Variants in DNAAF1 observed in about 807,000 individuals in gnomAD.
DNAAF1 encodes the protein dynein assembly factor 1, axonemal.
A neutral mutation model predicts 71.1 loss-of-function variants in DNAAF1; 65 were observed. That is an observed-to-expected ratio of 0.91 (90% CI 0.75 to 1.12). The LOEUF is 1.12. DNAAF1 is among the 50% of genes most tolerant of loss of function. The pLI is 0.00. For missense variants in DNAAF1, 1,178 were observed against 899.8 expected, an observed-to-expected ratio of 1.31 and a Z score of -3.96; for synonymous variants, 414 against 354.6, an observed-to-expected ratio of 1.17 and a Z score of -1.88.
chr16:84,147,696 A>G (rs1322800518), intron 1 of DNAAF1, among the ~76,000 whole-genome samples: 1 of 152,184 alleles, frequency 6.6e-6, no homozygotes, highest in African/African-American at 2.4e-5. Context: ...GCAAGAATTG[A>G]AAATGAGTAA....
rs1205625461 is a variant in DNAAF1 at position 84,177,854 on chromosome 16, A to G, written c.*13A>G. The G allele has an allele frequency of 6.3e-7, 1 of 1,597,594 alleles. No homozygotes were observed. The highest frequency in any genetic ancestry group is 1.1e-5 in the South Asian group (1 of 90,774). On this transcript the variant is annotated 3_prime_UTR_variant, in exon 12 of 12. Coordinates refer to ENST00000378553, the MANE Select transcript of DNAAF1 (RefSeq NM_178452.6). ...GAAAGCATCATAGTTTTCCCCAGTT[A>G]TATGTAGCATAAATGGTTTAATCAT...
intron 1 of DNAAF1, 105 bp from the exon 2 acceptor site, chr16:84,148,902 T>C: frequency 7.7e-7 from 1 of 1,303,306 alleles, no homozygotes; most frequent in Non-Finnish European, 1.1e-6. Context: ...TAAAGAATAC[T>C]GGTGTTCTAT....
chr16:84,166,517 C>T (rs1316522989), intron 7 of DNAAF1, among the ~76,000 whole-genome samples: 1 of 151,800 alleles, frequency 6.6e-6, no homozygotes, highest in African/African-American at 2.4e-5. Flanking sequence ...TACAGGTGTG[C>T]ACCACCATGC....
intron 9 of DNAAF1, 43 bp from the exon 10 acceptor site, chr16:84,174,626 G>C: frequency 6.2e-7 from 1 of 1,614,048 alleles, no homozygotes. Flanking sequence ...CGTTGACAGT[G>C]CGTGTACCTC....
chr16:84,158,637 T>C (rs927705686), intron 5 of DNAAF1, among the ~76,000 whole-genome samples: 1 of 152,234 alleles, frequency 6.6e-6, no homozygotes, highest in African/African-American at 2.4e-5. Flanking sequence ...TACCCCTTTA[T>C]TGCTGCCTGG....
At position 84,150,248 on chromosome 16, in the gene DNAAF1, C is replaced by G. The variant is rs780546636; in HGVS notation, c.261-3C>G. ...GCTTATTCATATTTTTCCATTTTAA[C>G]AGAATGACTAAAAGTTCCCTGCAAA... is the stretch of plus-strand genomic sequence containing the variant. On this transcript the variant is annotated splice_region_variant and splice_polypyrimidine_tract_variant and intron_variant, in intron 2 of 11. Transcript: ENST00000378553. The G allele has an allele frequency of 6.2e-7, 1 of 1,609,052 alleles. No individual in the cohort carries two copies. Among genetic ancestry groups the G allele is most frequent in the Non-Finnish European group, 8.5e-7 (1 of 1,175,434 alleles).
chr16:84,176,551 G>C, intron 11 of DNAAF1: 1 of 592,778 alleles, frequency 1.7e-6, no homozygotes. Context: ...GTCTGACTGT[G>C]TGTGGGGGTC....
rs2088246766 is a variant in DNAAF1 at position 84,170,109 on chromosome 16, G to A, written c.1281G>A (p.Val427=). Residue 427 remains valine (V), a synonymous_variant, in exon 8 of 12, where the codon GTG becomes GTA. Transcript: ENST00000378553. ...AGACCCTGCTACTGTCGTCACCTGT[G>A]GAGGTTAAAGGAGAGGACGGAGATG... ...PAETLLLSSP[V]EVKGEDGDGE... is the part of the protein sequence containing the mutation. 6.3e-7 allele frequency: 1 copy of A among 1,583,432 alleles called. No individual in the cohort carries two copies.
intron 3 of DNAAF1, among the ~76,000 whole-genome samples, chr16:84,153,655 A>G (rs2087282900): frequency 6.6e-6 from 1 of 152,212 alleles, no homozygotes; most frequent in African/African-American, 2.4e-5. Context: ...CAACAAAATA[A>G]AGAACTTTAA....
chr16:84,176,615 C>T, intron 11 of DNAAF1: 1 of 448,038 alleles, frequency 2.2e-6, no homozygotes, highest in Admixed American at 3.4e-5. Flanking sequence ...AATGACCGTG[C>T]ATTTCCACCC....
intron 1 of DNAAF1, among the ~76,000 whole-genome samples, chr16:84,148,596 C>CTCTCTTTTTTT: frequency 1.2e-3 from 51 of 43,280 alleles, no homozygotes; most frequent in Non-Finnish European, 1.6e-3. Flanking sequence ...CTCTCTCTCT[C>CTCTCTTTTTTT]TTTTTTTTTT....
chr16:84,171,544 A>C (rs952726668), intron 8 of DNAAF1, among the ~76,000 whole-genome samples: 22 of 152,248 alleles, frequency 1.4e-4, no homozygotes, highest in African/African-American at 5.1e-4. Context: ...GCGATCTCAC[A>C]GTTATGAAAC....
At chr16:84,149,417 C>T (rs987484041) in intron 2 of DNAAF1, among the ~76,000 whole-genome samples, 3 of 152,114 alleles carry the variant, frequency 2.0e-5, no homozygotes, top group East Asian at 1.9e-4. Flanking sequence ...TTAGGCCGGG[C>T]GCAGTGGCTC....
At chr16:84,168,743 A>C (rs1352341917) in intron 7 of DNAAF1, among the ~76,000 whole-genome samples, 1 of 152,112 alleles carries the variant, frequency 6.6e-6, no homozygotes, top group Non-Finnish European at 1.5e-5. Context: ...AGAAAAGCTG[A>C]AAGAATAGTA....
chr16:84,167,308 G>C (rs2088067863), intron 7 of DNAAF1, among the ~76,000 whole-genome samples: 1 of 152,166 alleles, frequency 6.6e-6, no homozygotes, highest in Non-Finnish European at 1.5e-5. Context: ...CCCGCTCCAG[G>C]TAACTCCAGT....
Position 84,149,005 on chromosome 16 carries a change from A to G in DNAAF1, c.125-2A>G. ...ACAGACCTGATCTCTTTTATTTTAC[A>G]GAAATTAATGATCCTAAGGAAATAT... On this transcript the variant is annotated splice_acceptor_variant, in intron 1 of 11. Transcript: ENST00000378553. LOFTEE classifies it high-confidence loss of function. 6.2e-7 allele frequency: 1 copy of G among 1,614,116 alleles called. No homozygotes were observed. The highest frequency in any genetic ancestry group is 8.5e-7 in the Non-Finnish European group (1 of 1,180,000).
chr16:84,174,730 T>A lies in DNAAF1; in HGVS notation c.1698+8T>A, dbSNP rs1186759315. 2 of 1,614,212 alleles carry A rather than the reference T, an allele frequency of 1.2e-6. No homozygotes were observed. Among genetic ancestry groups the A allele is most frequent in the Non-Finnish European group, 1.7e-6 (2 of 1,180,026 alleles). On this transcript the variant is annotated splice_region_variant and intron_variant, in intron 10 of 11. Coordinates refer to ENST00000378553, the MANE Select transcript of DNAAF1 (RefSeq NM_178452.6). The stretch of plus-strand genomic sequence containing the variant: ...AAATCTCTGGAAGACCAGGTTAAGG[T>A]CATTAGAAACCATTTTCCCACAGGC...
intron 11 of DNAAF1, chr16:84,177,259 G>A: frequency 4.0e-6 from 1 of 252,636 alleles, no homozygotes; most frequent in Non-Finnish European, 7.8e-6. Flanking sequence ...GGCAGGCCTG[G>A]AGGACGTTGA....
Position 84,170,085 on chromosome 16 carries a change from G to T in DNAAF1, c.1257G>T (p.Glu419Asp). 1 of 1,611,858 alleles carries T rather than the reference G, an allele frequency of 6.2e-7. No homozygotes were observed. The highest frequency in any genetic ancestry group is 8.5e-7 in the Non-Finnish European group (1 of 1,178,936). Residue 419 changes from glutamate to aspartate, a missense_variant, in exon 8 of 12, where the codon GAG (glutamate) becomes GAT (aspartate). Transcript: ENST00000378553. The part of the protein sequence containing the change: ...GPEPEGTLPA[E>D]TLLLSSPVEV... ...AGCCAGAGGGGACCCTCCCAGCTGA[G>T]ACCCTGCTACTGTCGTCACCTGTGG...
Sources: gnomAD v4.1 joint callset for allele counts (sites outside exome capture counted in the v4.1 genomes callset) on GRCh38, gnomAD v4.1.1 for gene constraint, MANE v1.5 for transcripts, NCBI Gene and HGNC (gene_info 2026-07-23, HGNC 2026-07-21) for gene names.